The following DENND2A variants were observed in gnomAD, a reference collection of about 807,000 sequenced individuals.
The protein encoded by DENND2A is DENN domain containing 2A.
A neutral mutation model predicts 105.3 loss-of-function variants in DENND2A; 53 were observed. The observed-to-expected ratio is 0.50, with a 90% CI of 0.40 to 0.63. DENND2A has a LOEUF of 0.63. DENND2A is among the 30% of genes least tolerant of loss of function. The pLI is 0.00. For synonymous variants in DENND2A, 522 were observed against 508.4 expected (o/e 1.03, Z -0.36); for missense variants, 1,138 against 1,279.6 (o/e 0.89, Z 1.69).
chr7:140,556,142 C>T (rs943000467), intron 11 of DENND2A, among the ~76,000 whole-genome samples: 2 of 152,048 alleles, frequency 1.3e-5, no homozygotes, highest in African/African-American at 4.8e-5. Context: ...CTCAGCCTCC[C>T]AAGTAGCTGG....
At chr7:140,561,552 T>G (rs1050667662) in intron 9 of DENND2A, among the ~76,000 whole-genome samples, 1 of 143,338 alleles carries the variant, frequency 7.0e-6, no homozygotes, top group Non-Finnish European at 1.5e-5. Flanking sequence ...CAGGCTGGAG[T>G]GCAGTGGTGT....
At position 140,559,732 on chromosome 7, in the gene DENND2A, C is replaced by T; in HGVS notation, c.1865G>A (p.Trp622Ter). Residue 622 changes from tryptophan to a stop codon, truncating the protein, a stop_gained, in exon 10 of 20, where the codon TGG (tryptophan) becomes TAG (stop). Coordinates refer to ENST00000496613, the MANE Select transcript of DENND2A (RefSeq NM_015689.5). LOFTEE classifies it high-confidence loss of function. This position sits in a 1 kb window ranked among gnomAD's most constrained non-coding sequence, Gnocchi z 4.1. Reference protein sequence around the residue: ...PQFCFPDAKDWVPVQQFTSET... With the variant: ...PQFCFPDAKD ...CCTGGTGAACTGCTGGACAGGAACC[C>T]AATCCTTGGCATCGGGAAAACAGAA... The T allele has an allele frequency of 6.2e-7, 1 of 1,614,118 alleles. No individual in the cohort carries two copies. The highest frequency in any genetic ancestry group is 8.5e-7 in the Non-Finnish European group (1 of 1,180,008).
chr7:140,549,303 C>T (rs960874093), intron 12 of DENND2A, among the ~76,000 whole-genome samples: 1 of 151,764 alleles, frequency 6.6e-6, no homozygotes, highest in Non-Finnish European at 1.5e-5. Flanking sequence ...CTCTGTCGCC[C>T]AGGCTGGAGT....
intron 14 of DENND2A, among the ~76,000 whole-genome samples, chr7:140,541,401 G>C (rs111437630): frequency 0.033 from 4,990 of 152,022 alleles, 255 homozygotes; most frequent in African/African-American, 0.11. Flanking sequence ...GCACGTTCCC[G>C]GGGGACTCTG....
At chr7:140,552,537 A>G (rs1797181230) in intron 12 of DENND2A, among the ~76,000 whole-genome samples, 1 of 151,696 alleles carries the variant, frequency 6.6e-6, no homozygotes, top group African/African-American at 2.4e-5. Flanking sequence ...CTGGAACTAC[A>G]GGTGCACACT....
chr7:140,612,781 C>T (rs1799946396), intron 1 of DENND2A, among the ~76,000 whole-genome samples: 2 of 151,894 alleles, frequency 1.3e-5, no homozygotes, highest in South Asian at 2.1e-4. Context: ...GGATTACAGG[C>T]ATGAGCCACT....
At chr7:140,536,855 G>A (rs1226405603) in intron 14 of DENND2A, among the ~76,000 whole-genome samples, 1 of 151,980 alleles carries the variant, frequency 6.6e-6, no homozygotes, top group Admixed American at 6.6e-5. Context: ...TACAGACGGG[G>A]TTTCACCATG....
intron 3 of DENND2A, among the ~76,000 whole-genome samples, chr7:140,591,677 C>CTT (rs893699687): frequency 3.6e-4 from 51 of 141,648 alleles, no homozygotes; most frequent in African/African-American, 1.2e-3. Context: ...CTTTCTCTTT[C>CTT]TTTCTTTCTT....
intron 1 of DENND2A, among the ~76,000 whole-genome samples, chr7:140,615,654 C>A (rs534722285): frequency 6.6e-6 from 1 of 152,012 alleles, no homozygotes; most frequent in South Asian, 2.1e-4. Flanking sequence ...CCTGCCTCAG[C>A]CCCTCAGCTA....
intron 14 of DENND2A, among the ~76,000 whole-genome samples, chr7:140,534,081 A>ATATTTTTTTTTTTT (rs1796368392): frequency 1.2e-5 from 1 of 80,106 alleles, no homozygotes; most frequent in Non-Finnish European, 2.3e-5. Flanking sequence ...TGCCTGGTTA[A>ATATTTTTTTTTTTT]TTTTTTTTTT....
At chr7:140,522,608 C>CTGGCCA in intron 17 of DENND2A, among the ~76,000 whole-genome samples, 1 of 150,708 alleles carries the variant, frequency 6.6e-6, no homozygotes, top group East Asian at 2.0e-4. Flanking sequence ...GCCTCTGTGC[C>CTGGCCA]CAGCCTTTTA....
At chr7:140,600,901 T>A (rs139225037) in intron 3 of DENND2A, among the ~76,000 whole-genome samples, 143 of 152,334 alleles carry the variant, frequency 9.4e-4, no homozygotes, top group Middle Eastern at 6.8e-3. Flanking sequence ...ATGTGTTATT[T>A]TAACGTTATA....
intron 5 of DENND2A, among the ~76,000 whole-genome samples, chr7:140,584,948 C>T (rs1381479151): frequency 2.0e-5 from 3 of 152,300 alleles, no homozygotes; most frequent in African/African-American, 7.2e-5. Flanking sequence ...CCTGTAATCC[C>T]AGCACTTTGG....
chr7:140,589,517 A>G (rs2130654666), intron 3 of DENND2A, among the ~76,000 whole-genome samples: 1 of 152,304 alleles, frequency 6.6e-6, no homozygotes, highest in African/African-American at 2.4e-5. Context: ...AGTAACCACC[A>G]CCTACAGGTA....
At chr7:140,572,379 C>T (rs1369468643) in intron 6 of DENND2A, among the ~76,000 whole-genome samples, 2 of 151,910 alleles carry the variant, frequency 1.3e-5, no homozygotes, top group Non-Finnish European at 2.9e-5. Context: ...TGTCCCACAC[C>T]GAAACTTATC....
chr7:140,603,100 T>C (rs573939004), intron 2 of DENND2A, among the ~76,000 whole-genome samples: 33 of 152,034 alleles, frequency 2.2e-4, no homozygotes, highest in African/African-American at 8.0e-4. Flanking sequence ...CTGGCTAACA[T>C]GGTGAAACCC....
chr7:140,591,819 TTC>T (rs1202893163), intron 3 of DENND2A, among the ~76,000 whole-genome samples: 2 of 147,516 alleles, frequency 1.4e-5, no homozygotes, highest in African/African-American at 5.0e-5. Context: ...TTCCTTCTCT[TTC>T]TTTCCCTCCC....
intron 9 of DENND2A, among the ~76,000 whole-genome samples, chr7:140,561,216 A>C (rs1442914633): frequency 6.6e-6 from 1 of 152,126 alleles, no homozygotes; most frequent in Non-Finnish European, 1.5e-5. Flanking sequence ...AAGTTTGGGA[A>C]ACACAAAAGA....
At chr7:140,639,461 C>T (rs989927070) in intron 1 of DENND2A, among the ~76,000 whole-genome samples, 4 of 152,182 alleles carry the variant, frequency 2.6e-5, no homozygotes, top group East Asian at 1.9e-4. Flanking sequence ...CACACACACT[C>T]GCACACTCAC....
Sources: gnomAD v4.1 joint callset for allele counts (sites outside exome capture counted in the v4.1 genomes callset) on GRCh38, gnomAD v4.1.1 for gene constraint, Gnocchi (gnomAD v3.1) non-coding constraint, MANE v1.5 for transcripts, NCBI Gene and HGNC (gene_info 2026-07-23, HGNC 2026-07-21) for gene names.